Variants in ERICH3 observed in about 807,000 individuals in gnomAD.
ERICH3 encodes the protein glutamate-rich protein 3.
ERICH3 carries 126 observed loss-of-function variants against 131.1 expected under a neutral mutation model. The observed-to-expected ratio is 0.96, with a 90% CI of 0.83 to 1.11. The LOEUF (loss-of-function observed/expected upper bound fraction) is 1.11. ERICH3 is among the 50% of genes most tolerant of loss of function. The pLI is 0.00. For synonymous variants in ERICH3, 695 were observed against 644.6 expected, an observed-to-expected ratio of 1.08 and a Z score of -1.18; for missense variants, 2,050 against 1,810.7, an observed-to-expected ratio of 1.13 and a Z score of -2.40.
At chr1:74,634,537 A>AAAAAAATTGCTCCCCT (rs1557693509) in intron 6 of ERICH3, 1 of 602,496 alleles carries the variant, frequency 1.7e-6, no homozygotes, top group Non-Finnish European at 3.0e-6. Context: ...ATTAAAGGAA[A>AAAAAAATTGCTCCCCT]AAAAAATTGC....
At chr1:74,592,517 T>G (rs1189650306) in intron 11 of ERICH3, among the ~76,000 whole-genome samples, 1 of 152,198 alleles carries the variant, frequency 6.6e-6, no homozygotes, top group Non-Finnish European at 1.5e-5. Context: ...TCCAAAAATA[T>G]ATCTACCATC....
In ERICH3 at chr1:74,631,810, G is replaced by C. The variant is rs1397102590; in HGVS notation, c.722C>G (p.Thr241Ser). 1.2e-6 allele frequency: 2 copies of C among 1,613,554 alleles called. No individual in the cohort carries two copies. Among genetic ancestry groups the C allele is most frequent in the Non-Finnish European group, 1.7e-6 (2 of 1,179,620 alleles). The change falls in exon 7 of 15, where the codon ACT becomes AGT. Residue 241 changes from threonine to serine, a missense_variant. Physicochemically the swap from Thr to Ser is moderately conservative, Grantham distance 58. Transcript: ENST00000326665. Reference sequence around the variant, plus strand: ...TCTATTTTCTCTTGTGATTTTCCCAGTTGGGGGAAGTGGAGGAGGAATAGG... The same window carrying C: ...TCTATTTTCTCTTGTGATTTTCCCACTTGGGGGAAGTGGAGGAGGAATAGG... ...MMPIPPPLPP[T>S]GKITRENRSE...
intron 11 of ERICH3, among the ~76,000 whole-genome samples, chr1:74,599,348 A>C (rs1279453158): frequency 1.3e-5 from 2 of 151,880 alleles, no homozygotes; most frequent in Admixed American, 1.3e-4. Flanking sequence ...AAATTACCTC[A>C]TACTGTCATG....
At chr1:74,577,519 C>T (rs776039194) in intron 12 of ERICH3, 5 of 152,228 alleles carry the variant, frequency 3.3e-5, no homozygotes, top group African/African-American at 7.2e-5. Context: ...GGTATAAAAA[C>T]AGGTCATGGG....
chr1:74,574,607 G>C (rs530876641), intron 13 of ERICH3, among the ~76,000 whole-genome samples: 2 of 152,156 alleles, frequency 1.3e-5, no homozygotes, highest in East Asian at 3.9e-4. Flanking sequence ...TTTGCAGACC[G>C]GGACAGTTTT....
At chr1:74,611,588 T>C (rs994190960) in intron 9 of ERICH3, among the ~76,000 whole-genome samples, 1 of 152,174 alleles carries the variant, frequency 6.6e-6, no homozygotes, top group Non-Finnish European at 1.5e-5. Context: ...TCTACATGGC[T>C]TAGCCTCATG....
chr1:74,601,878 G>T (rs1326531895), intron 10 of ERICH3, among the ~76,000 whole-genome samples: 2 of 151,834 alleles, frequency 1.3e-5, no homozygotes, highest in Non-Finnish European at 2.9e-5. Flanking sequence ...CTGTAACATG[G>T]GTAATACAAC....
Position 74,646,812 on chromosome 1 carries a change from T to A in ERICH3, c.118-20A>T. On this transcript the variant is annotated intron_variant, in intron 2 of 14. Coordinates refer to ENST00000326665, the MANE Select transcript of ERICH3 (RefSeq NM_001002912.5). ...TGTGATCTGTCATGAATAAATAAAA[T>A]ATACATAGAAATATAAAATAGAAAA... is the stretch of plus-strand genomic sequence containing the variant. The A allele has an allele frequency of 7.4e-7, 1 of 1,345,762 alleles. No individual in the cohort carries two copies. Among genetic ancestry groups the A allele is most frequent in the Non-Finnish European group, 1.0e-6 (1 of 992,702 alleles). The allele number at this position is 1,345,762 out of a possible 1,614,324, so 83.4% of individuals were successfully genotyped here. A position where few individuals can be genotyped will look rare whatever the true frequency, so the allele number is the denominator to read the frequency against.
At chr1:74,591,104 T>A (rs1367254858) in intron 11 of ERICH3, among the ~76,000 whole-genome samples, 1 of 152,186 alleles carries the variant, frequency 6.6e-6, no homozygotes, top group Admixed American at 6.5e-5. Context: ...ATTTGGCCAG[T>A]ACATAGACAA....
chr1:74,632,216 A>G (rs542233562), intron 6 of ERICH3, among the ~76,000 whole-genome samples: 3 of 152,246 alleles, frequency 2.0e-5, no homozygotes, highest in South Asian at 4.1e-4. Context: ...CAATACAACT[A>G]AACAATTTAA....
intron 12 of ERICH3, among the ~76,000 whole-genome samples, chr1:74,584,772 A>G (rs1208001836): frequency 6.6e-6 from 1 of 152,166 alleles, no homozygotes; most frequent in African/African-American, 2.4e-5. Context: ...TCTTATGTTC[A>G]CATTGAGAAC....
intron 7 of ERICH3, 75 bp downstream of exon 7, chr1:74,631,638 C>T: frequency 2.4e-6 from 3 of 1,263,860 alleles, no homozygotes; most frequent in Non-Finnish European, 3.4e-6. Flanking sequence ...AATTCTTTTA[C>T]TGCAAACCTA....
chr1:74,616,970 C>T (rs1236075446), intron 8 of ERICH3, among the ~76,000 whole-genome samples: 1 of 152,060 alleles, frequency 6.6e-6, no homozygotes, highest in Non-Finnish European at 1.5e-5. Context: ...AGAATAAATT[C>T]TTGATGTTTT....
At chr1:74,600,296 G>A (rs911108318) in intron 10 of ERICH3, among the ~76,000 whole-genome samples, 2 of 151,788 alleles carry the variant, frequency 1.3e-5, no homozygotes, top group African/African-American at 4.8e-5. Flanking sequence ...AATAATGAAA[G>A]TTAATTTGGA....
chr1:74,573,489 G>A lies in ERICH3; in HGVS notation c.2221C>T (p.Pro741Ser), dbSNP rs565631020. 29 of 1,502,652 alleles carry A rather than the reference G, an allele frequency of 1.9e-5. 1 individual carries two copies. The South Asian group carries it at 3.9e-4, about 20-fold the overall frequency. 93.1% of individuals were successfully genotyped at this position (1,502,652 alleles called of 1,614,324 possible). Reference protein sequence around the residue: ...PLAYVLALGAPTMNFMVDETA... With the variant: ...PLAYVLALGASTMNFMVDETA... ...TCATCCACCATGAAATTCATTGTTG[G>A]TGCTATAAAAATAAGGTTAGAAATC... is the stretch of plus-strand genomic sequence containing the variant. Residue 741 changes from proline (P) to serine (S), a missense_variant and splice_region_variant, in exon 14 of 15, where the codon CCA becomes TCA. Transcript: ENST00000326665.
intron 12 of ERICH3, chr1:74,579,273 A>T: frequency 1.9e-6 from 1 of 521,562 alleles, no homozygotes. Context: ...GCTTTTTCCA[A>T]GTAGTCCACA....
intron 12 of ERICH3, among the ~76,000 whole-genome samples, chr1:74,578,748 G>A (rs1252471729): frequency 6.7e-6 from 1 of 149,096 alleles, no homozygotes; most frequent in Non-Finnish European, 1.5e-5. Flanking sequence ...TGTTACAACG[G>A]ATATAACGGA....
chr1:74,661,469 T>C (rs1049700459), intron 1 of ERICH3, among the ~76,000 whole-genome samples: 2 of 152,192 alleles, frequency 1.3e-5, no homozygotes, highest in African/African-American at 4.8e-5. Context: ...TAGGTCAATG[T>C]TAATTTTCTT....
intron 8 of ERICH3, among the ~76,000 whole-genome samples, chr1:74,614,079 T>TCTGTTTCTG (rs1570870831): frequency 6.6e-6 from 1 of 152,166 alleles, no homozygotes; most frequent in Non-Finnish European, 1.5e-5. Context: ...GGGTTTTACC[T>TCTGTTTCTG]CTGTTTCTGA....
Sources: gnomAD v4.1 joint callset for allele counts (sites outside exome capture counted in the v4.1 genomes callset) on GRCh38, gnomAD v4.1.1 for gene constraint, MANE v1.5 for transcripts, NCBI Gene and HGNC (gene_info 2026-07-23, HGNC 2026-07-21) for gene names.